Variants in PPP2R5C observed in about 807,000 individuals in gnomAD.
PPP2R5C encodes the protein protein phosphatase 2 regulatory subunit B'gamma.
In PPP2R5C, 7 loss-of-function variants were observed where a neutral mutation model predicts 68.9. The observed-to-expected ratio is 0.10, with a 90% confidence interval of 0.06 to 0.19. The LOEUF (loss-of-function observed/expected upper bound fraction) is 0.19, where lower values mean the gene tolerates loss of function less well. PPP2R5C is among the 10% of genes least tolerant of loss of function. The pLI, the probability that PPP2R5C is intolerant of heterozygous loss-of-function variation, is 1.00. For synonymous variants in PPP2R5C, 210 were observed against 222.2 expected (o/e 0.95, Z 0.49); for missense variants, 348 against 641.3 (o/e 0.54, Z 4.94).
At chr14:101,855,826 C>A (rs565259061) in intron 1 of PPP2R5C, among the ~76,000 whole-genome samples, 1 of 152,284 alleles carries the variant, frequency 6.6e-6, no homozygotes, top group East Asian at 1.9e-4. Context: ...CATCCACTTG[C>A]CAGCACTGAG....
At chr14:101,923,223 A>G (rs1428251318) in intron 13 of PPP2R5C, among the ~76,000 whole-genome samples, 2 of 152,148 alleles carry the variant, frequency 1.3e-5, no homozygotes, top group Non-Finnish European at 2.9e-5. Flanking sequence ...TAAAATGTCT[A>G]AGCAGAAAGG....
chr14:101,907,328 G>A (rs531665434), intron 10 of PPP2R5C, among the ~76,000 whole-genome samples: 89 of 151,860 alleles, frequency 5.9e-4, no homozygotes, highest in Non-Finnish European at 9.4e-4. Context: ...CCACCGCTAC[G>A]CCTGGCTAAT....
intron 2 of PPP2R5C, among the ~76,000 whole-genome samples, chr14:101,876,953 T>C (rs1208128362): frequency 7.0e-6 from 1 of 142,384 alleles, no homozygotes; most frequent in Non-Finnish European, 1.5e-5. Flanking sequence ...TTTTTTTTTT[T>C]TTTTTTTTTT....
At chr14:101,840,884 A>G (rs547376312) in intron 1 of PPP2R5C, among the ~76,000 whole-genome samples, 71 of 152,280 alleles carry the variant, frequency 4.7e-4, no homozygotes, top group African/African-American at 1.6e-3. Context: ...GCCTGCTTGG[A>G]CATGCCTGGA....
At position 101,766,772 on chromosome 14, in the gene PPP2R5C, A is replaced by T. The variant is rs553765467; in HGVS notation, c.93+3802A>T. 5 of 152,378 alleles carry T rather than the reference A, an allele frequency of 3.3e-5. No individual in the cohort carries two copies. In the South Asian group the frequency reaches 6.2e-4, roughly 19 times the overall value. 9.4% of individuals were successfully genotyped at this position (152,378 alleles called of 1,614,324 possible). On this transcript the variant is annotated intron_variant, in intron 2 of 14. Coordinates refer to the PPP2R5C transcript ENST00000328724. The stretch of plus-strand genomic sequence containing the variant: ...CACTTGAAGTTGGAAAATTCTGTGG[A>T]GATTGACAAAGGAGACTCACTTTTG...
intron 1 of PPP2R5C, chr14:101,823,903 A>G: frequency 1.6e-6 from 2 of 1,276,096 alleles, no homozygotes; most frequent in Non-Finnish European, 2.0e-6. Context: ...TTATGGTGTC[A>G]TCTAGAAAAA....
At chr14:101,771,774 C>G (rs1027416232) in intron 2 of PPP2R5C, among the ~76,000 whole-genome samples, 10 of 151,980 alleles carry the variant, frequency 6.6e-5, no homozygotes, top group African/African-American at 2.2e-4. Flanking sequence ...TTTCAGATAC[C>G]CTGCAGCCTG....
intron 1 of PPP2R5C, among the ~76,000 whole-genome samples, chr14:101,822,088 C>T (rs544071728): frequency 7.2e-6 from 1 of 138,810 alleles, no homozygotes; most frequent in Non-Finnish European, 1.6e-5. Context: ...TGCCCCCCCC[C>T]CACACACACA....
chr14:101,924,242 C>T (rs934419441), intron 13 of PPP2R5C, among the ~76,000 whole-genome samples: 1 of 152,046 alleles, frequency 6.6e-6, no homozygotes, highest in African/African-American at 2.4e-5. Context: ...CCTTTTATTG[C>T]AGATACAGTT....
intron 2 of PPP2R5C, among the ~76,000 whole-genome samples, chr14:101,873,897 C>T (rs946733116): frequency 6.6e-6 from 1 of 152,136 alleles, no homozygotes; most frequent in Non-Finnish European, 1.5e-5. Context: ...CCTTATCCTT[C>T]GTTGTCTGAA....
chr14:101,893,627 G>A (rs1490250232), intron 7 of PPP2R5C, among the ~76,000 whole-genome samples: 1 of 152,212 alleles, frequency 6.6e-6, no homozygotes, highest in Non-Finnish European at 1.5e-5. Flanking sequence ...GCACATGCCT[G>A]TAATCCCAGC....
chr14:101,924,676 C>T (rs2047202891), intron 13 of PPP2R5C, among the ~76,000 whole-genome samples: 1 of 151,750 alleles, frequency 6.6e-6, no homozygotes, highest in South Asian at 2.1e-4. Context: ...CTCTTGACCT[C>T]GTGATCCGTC....
Position 101,913,868 on chromosome 14 carries a change from A to G in PPP2R5C, c.1326+1395A>G, listed in dbSNP as rs1476017066. On this transcript the variant is annotated intron_variant, in intron 12 of 13. Transcript: ENST00000334743. This position sits in a 1 kb window ranked among gnomAD's most constrained non-coding sequence, Gnocchi z 4.1. ...ATCAGTAGCCTCGAAAACATGTGAG[A>G]AATGAATACACACACACACACAAAC... Among the ~76,000 whole-genome samples the G allele has an allele frequency of 6.6e-6, 1 of 152,164 alleles. No homozygotes were observed. Among genetic ancestry groups the G allele is most frequent in the Non-Finnish European group, 1.5e-5 (1 of 68,028 alleles).
In PPP2R5C at chr14:101,891,739, C is replaced by G. The variant is rs2044943348; in HGVS notation, c.690-1261C>G. 2.0e-5 allele frequency among the ~76,000 whole-genome samples: 3 copies of G among 152,366 alleles called. 1 individual carries two copies. The highest frequency in any genetic ancestry group is 2.0e-4 in the Admixed American group (3 of 15,304). On this transcript the variant is annotated intron_variant, in intron 6 of 13. Transcript: ENST00000334743. This position sits in a 1 kb window ranked among gnomAD's most constrained non-coding sequence, Gnocchi z 4.9. ...CTTGATGGGCCGCTCCAGGCTCGCC[C>G]TTCCCGCATTGTCCGCTGTGCCGCG...
chr14:101,925,322 C>T (rs1450974942), exon 14 of PPP2R5C: 1 of 1,603,692 alleles, frequency 6.2e-7, no homozygotes, highest in Admixed American at 1.7e-5. Flanking sequence ...TTTCCGGATT[C>T]TGTAGAAAAT....
chr14:101,909,474 C>A, intron 10 of PPP2R5C, 115 bp from the exon 13 acceptor site: 2 of 616,930 alleles, frequency 3.2e-6, no homozygotes, highest in South Asian at 4.4e-5. Flanking sequence ...CATTTTAGAC[C>A]TTAGGGATCC....
chr14:101,796,855 C>T (rs1469868125), intron 3 of PPP2R5C: 1 of 271,122 alleles, frequency 3.7e-6, no homozygotes, highest in Non-Finnish European at 7.3e-6. Flanking sequence ...TGCCTCTGCT[C>T]CTCAAGTGTT....
chr14:101,765,311 T>TA, intron 2 of PPP2R5C: 1 of 701,034 alleles, frequency 1.4e-6, no homozygotes, highest in Non-Finnish European at 2.6e-6. Flanking sequence ...TTTTCAGGAA[T>TA]ACAAGTTGGG....
At chr14:101,850,995 G>A (rs1360677721) in intron 1 of PPP2R5C, among the ~76,000 whole-genome samples, 1 of 152,178 alleles carries the variant, frequency 6.6e-6, no homozygotes, top group African/African-American at 2.4e-5. Context: ...ACATTTGAAA[G>A]ACAAGATGGC....
Sources: gnomAD v4.1 joint callset for allele counts (sites outside exome capture counted in the v4.1 genomes callset) on GRCh38, gnomAD v4.1.1 for gene constraint, Gnocchi (gnomAD v3.1) non-coding constraint, MANE v1.5 for transcripts, NCBI Gene and HGNC (gene_info 2026-07-23, HGNC 2026-07-21) for gene names.